The following CEP83 variants were observed in gnomAD, a reference collection of about 807,000 sequenced individuals.
CEP83 encodes centrosomal protein 83.
A neutral mutation model predicts 101.9 loss-of-function variants in CEP83; 70 were observed. The observed-to-expected ratio is 0.69, with a 90% confidence interval of 0.57 to 0.84. The LOEUF is 0.84. Ranked by LOEUF, CEP83 falls within the 40% of genes least tolerant of loss-of-function variation. The pLI, the probability that CEP83 is intolerant of heterozygous loss-of-function variation, is 0.00. For synonymous variants in CEP83, 264 were observed against 267.9 expected, an observed-to-expected ratio of 0.99 and a Z score of 0.14; for missense variants, 715 against 787.2, an observed-to-expected ratio of 0.91 and a Z score of 1.10.
chr12:94,412,926 C>G (rs1357214923), intron 2 of CEP83, among the ~76,000 whole-genome samples: 1 of 151,668 alleles, frequency 6.6e-6, no homozygotes, highest in African/African-American at 2.4e-5. Context: ...TATCTCGACT[C>G]ACTGCAACCT....
chr12:94,313,153 T>C (rs1460789615), intron 14 of CEP83, 136 bp from the exon 15 acceptor site: 73 of 444,974 alleles, frequency 1.6e-4, no homozygotes, highest in Non-Finnish European at 7.9e-6. Flanking sequence ...CAAAGGTTAG[T>C]AGACATGGCT....
chr12:94,296,178 T>C, the CEP83 span, among the ~76,000 whole-genome samples: 1 of 152,172 alleles, frequency 6.6e-6, no homozygotes, highest in Non-Finnish European at 1.5e-5. Context: ...CATCTTTATT[T>C]TTAAGACAGT....
In CEP83 at chr12:94,308,465, TGAA is replaced by T. The variant is rs1178613270; in HGVS notation, c.*345_*347del. On this transcript the variant is annotated 3_prime_UTR_variant, in exon 17 of 17. Coordinates refer to ENST00000397809, the MANE Select transcript of CEP83 (RefSeq NM_016122.3). ...CTGTTATGGCCAAGCATCTCAAAGA[TGAA>T]GAGAGAATTAATGATAGTTATATTT... is the stretch of plus-strand genomic sequence containing the variant. 19 of 180,404 alleles carry T rather than the reference TGAA, an allele frequency of 1.1e-4. No homozygotes were observed. The highest frequency in any genetic ancestry group is 2.1e-4 in the Non-Finnish European group (18 of 86,224). The allele number at this position is 180,404 out of a possible 1,614,324, so 11.2% of individuals were successfully genotyped here.
the CEP83 span, chr12:94,297,415 T>G: frequency 6.2e-7 from 1 of 1,610,578 alleles, no homozygotes; most frequent in Non-Finnish European, 8.5e-7. Context: ...AAAGCTGCTG[T>G]CGACCAAGGT....
intron 6 of CEP83, among the ~76,000 whole-genome samples, chr12:94,381,204 G>C (rs775676184): frequency 6.6e-6 from 1 of 152,072 alleles, no homozygotes; most frequent in South Asian, 2.1e-4. Flanking sequence ...ACAGATCTTG[G>C]ATACAGCCTC....
chr12:94,396,280 CTTTTTTT>C (rs776434390), intron 6 of CEP83, among the ~76,000 whole-genome samples: 84 of 90,936 alleles, frequency 9.2e-4, no homozygotes, highest in African/African-American at 3.7e-3. Flanking sequence ...AAAAGCATGA[CTTTTTTT>C]TTTTTTTTTT....
chr12:94,402,490 T>C (rs1008873712), intron 5 of CEP83, among the ~76,000 whole-genome samples: 2 of 151,946 alleles, frequency 1.3e-5, no homozygotes, highest in African/African-American at 2.4e-5. Flanking sequence ...CAGTATTAAA[T>C]AGGTAGATGG....
chr12:94,442,557 C>T (rs563675681), intron 1 of CEP83, among the ~76,000 whole-genome samples: 1 of 152,102 alleles, frequency 6.6e-6, no homozygotes, highest in African/African-American at 2.4e-5. Context: ...AGAAAGGTTT[C>T]CCTGTTTCTT....
chr12:94,280,917 A>G, the CEP83 span, among the ~76,000 whole-genome samples: 1 of 152,224 alleles, frequency 6.6e-6, no homozygotes, highest in African/African-American at 2.4e-5. Flanking sequence ...CCTATCAGCT[A>G]TGTCAGGCTT....
chr12:94,349,889 A>G (rs2060123506), intron 11 of CEP83, among the ~76,000 whole-genome samples: 1 of 152,232 alleles, frequency 6.6e-6, no homozygotes, highest in Non-Finnish European at 1.5e-5. Context: ...GAAAATGAAG[A>G]AAATAATTCC....
At chr12:94,404,482 C>T (rs1238818335) in intron 4 of CEP83, among the ~76,000 whole-genome samples, 1 of 152,092 alleles carries the variant, frequency 6.6e-6, no homozygotes, top group Non-Finnish European at 1.5e-5. Context: ...AATGGGACCA[C>T]ATTAAGTACT....
chr12:94,294,393 C>A, the CEP83 span: 1 of 625,944 alleles, frequency 1.6e-6, no homozygotes, highest in South Asian at 1.7e-5. Context: ...TAAGTGACAG[C>A]ATGTAAGATC....
chr12:94,319,817 T>G (rs1971341157), intron 14 of CEP83, among the ~76,000 whole-genome samples: 1 of 152,204 alleles, frequency 6.6e-6, no homozygotes, highest in African/African-American at 2.4e-5. Context: ...ATGAGAAGAA[T>G]GTATATTCCT....
the CEP83 span, among the ~76,000 whole-genome samples, chr12:94,293,011 C>T: frequency 6.6e-6 from 1 of 152,150 alleles, no homozygotes; most frequent in African/African-American, 2.4e-5. Flanking sequence ...CCGCTGCTCT[C>T]TTCTCCAAAT....
the CEP83 span, among the ~76,000 whole-genome samples, chr12:94,273,476 C>T: frequency 6.6e-6 from 1 of 152,158 alleles, no homozygotes; most frequent in Non-Finnish European, 1.5e-5. Context: ...TGAACTACAG[C>T]TCTTTGCGAC....
chr12:94,413,863 C>T (rs1006716471), intron 2 of CEP83, among the ~76,000 whole-genome samples: 8 of 145,298 alleles, frequency 5.5e-5, no homozygotes, highest in South Asian at 2.1e-4. Flanking sequence ...CACACACACA[C>T]ACATACATAC....
intron 6 of CEP83, among the ~76,000 whole-genome samples, chr12:94,384,261 T>C (rs1178905371): frequency 6.6e-6 from 1 of 152,214 alleles, no homozygotes; most frequent in Non-Finnish European, 1.5e-5. Context: ...CTTGATAATG[T>C]GCCACTTCCT....
chr12:94,456,013 G>A (rs2067648427), intron 1 of CEP83, among the ~76,000 whole-genome samples: 2 of 149,472 alleles, frequency 1.3e-5, no homozygotes, highest in South Asian at 2.1e-4. Flanking sequence ...GCACCACTAC[G>A]CTCCAGCCTG....
the CEP83 span, among the ~76,000 whole-genome samples, chr12:94,287,645 T>A: frequency 6.6e-6 from 1 of 152,196 alleles, no homozygotes; most frequent in Non-Finnish European, 1.5e-5. Context: ...GCAGAAGTGG[T>A]CACTGCTAAC....
Sources: allele counts gnomAD v4.1 joint callset (sites outside exome capture counted in the v4.1 genomes callset), GRCh38; gene constraint gnomAD v4.1.1; transcripts MANE v1.5; gene names NCBI Gene and HGNC (gene_info 2026-07-23, HGNC 2026-07-21).